MAP3K1: variants seen among roughly 807,000 people sequenced by gnomAD.
MAP3K1 encodes MAP/ERK kinase kinase 1.
Under a neutral mutation model 144.2 loss-of-function variants are expected in MAP3K1, and 36 were observed. That is an observed-to-expected ratio of 0.25 (90% CI 0.19 to 0.33). The LOEUF (loss-of-function observed/expected upper bound fraction) is 0.33. Ranked by LOEUF, MAP3K1 falls within the 10% of genes least tolerant of loss-of-function variation. The pLI is 1.00. For synonymous variants in MAP3K1, 718 were observed against 688.7 expected (o/e 1.04, Z -0.67); for missense variants, 1,650 against 1,881.9 (o/e 0.88, Z 2.28).
rs1748178411 is a variant in MAP3K1 at position 56,880,692 on chromosome 5, G to T, written c.2088-19G>T. ...TTAGCCAAGATCCAGGATTGATGTT[G>T]CTTTTCCTTTGTTTTTAGCCGCACA... On this transcript the variant is annotated intron_variant, in intron 11 of 19. Transcript: ENST00000399503. The T allele has an allele frequency of 6.3e-7, 1 of 1,576,912 alleles. No homozygotes were observed.
intron 1 of MAP3K1, among the ~76,000 whole-genome samples, chr5:56,833,028 C>G (rs1408643115): frequency 6.6e-6 from 1 of 152,046 alleles, no homozygotes; most frequent in Non-Finnish European, 1.5e-5. Flanking sequence ...TGCATCACCG[C>G]ACCCAGATAA....
chr5:56,833,802 A>C (rs746354306), intron 1 of MAP3K1, among the ~76,000 whole-genome samples: 6 of 152,150 alleles, frequency 3.9e-5, no homozygotes, highest in Non-Finnish European at 1.5e-5. Flanking sequence ...GATGATATCT[A>C]AGGCCAGCAT....
intron 7 of MAP3K1, 28 bp from the exon 8 acceptor site, chr5:56,872,613 G>A (rs1397851442): frequency 2.4e-6 from 3 of 1,275,440 alleles, no homozygotes; most frequent in Admixed American, 1.7e-5. Context: ...TTACATTTTT[G>A]TAAGATTTTG....
At chr5:56,833,461 G>C (rs564495194) in intron 1 of MAP3K1, among the ~76,000 whole-genome samples, 4 of 152,154 alleles carry the variant, frequency 2.6e-5, no homozygotes, top group Non-Finnish European at 5.9e-5. Context: ...TTGCACAGTA[G>C]TAAGGGGAGA....
intron 1 of MAP3K1, among the ~76,000 whole-genome samples, chr5:56,824,360 C>G (rs1314647100): frequency 6.6e-6 from 1 of 152,216 alleles, no homozygotes; most frequent in South Asian, 2.1e-4. Flanking sequence ...AGGATTGATA[C>G]TTATTTCAGA....
chr5:56,868,128 T>C (rs1019065859), intron 6 of MAP3K1, among the ~76,000 whole-genome samples: 1 of 152,176 alleles, frequency 6.6e-6, no homozygotes, highest in Admixed American at 6.5e-5. Flanking sequence ...TATTTTGTGG[T>C]CCATTTGGTC....
At chr5:56,880,624 T>C in intron 11 of MAP3K1, 87 bp from the exon 12 acceptor site, 1 of 867,182 alleles carries the variant, frequency 1.2e-6, no homozygotes, top group Non-Finnish European at 2.0e-6. Flanking sequence ...TTCTCCACTT[T>C]TTCACAAGGC....
chr5:56,820,198 G>C (rs1359748689), intron 1 of MAP3K1, among the ~76,000 whole-genome samples: 5 of 151,732 alleles, frequency 3.3e-5, no homozygotes, highest in Non-Finnish European at 7.4e-5. Flanking sequence ...CATCACTGCA[G>C]CCCCCTAAGA....
chr5:56,871,834 C>T (rs1747861651), intron 6 of MAP3K1, 76 bp from the exon 7 acceptor site: 3 of 1,370,534 alleles, frequency 2.2e-6, no homozygotes, highest in Non-Finnish European at 1.0e-6. Flanking sequence ...TCTAAGCAAG[C>T]AGAAAGTGTT....
In MAP3K1 at chr5:56,830,228, A is replaced by G. The variant is rs923355672; in HGVS notation, c.482+14173A>G. 4.6e-5 allele frequency among the ~76,000 whole-genome samples: 7 copies of G among 152,216 alleles called. No individual in the cohort carries two copies. In the East Asian group the frequency reaches 9.6e-4, roughly 21 times the overall value. ...CCGATAGATGTCACAGATTTTGCAG[A>G]TTATAATTGTGAATTTAAAATTTAA... On this transcript the variant is annotated intron_variant, in intron 1 of 19. Transcript: ENST00000399503.
intron 1 of MAP3K1, among the ~76,000 whole-genome samples, chr5:56,852,607 T>C (rs1335268317): frequency 1.3e-5 from 2 of 152,236 alleles, no homozygotes; most frequent in Non-Finnish European, 2.9e-5. Context: ...CAATTTTATT[T>C]ATTTTTAAGT....
At chr5:56,861,007 G>C (rs1426851378) in intron 3 of MAP3K1, among the ~76,000 whole-genome samples, 1 of 152,104 alleles carries the variant, frequency 6.6e-6, no homozygotes. Context: ...GATAAGATTG[G>C]TGATAACAAA....
intron 1 of MAP3K1, among the ~76,000 whole-genome samples, chr5:56,839,068 C>G (rs1275820176): frequency 6.6e-6 from 1 of 152,120 alleles, no homozygotes; most frequent in East Asian, 1.9e-4. Flanking sequence ...ACAACTTGGC[C>G]ATAGGTCAGT....
intron 19 of MAP3K1, among the ~76,000 whole-genome samples, chr5:56,890,819 A>G (rs114286391): frequency 0.02 from 2,970 of 151,946 alleles, 120 homozygotes; most frequent in African/African-American, 0.066. Flanking sequence ...GGCTGAGGCA[A>G]GAACAAAACT....
At position 56,895,055 on chromosome 5, in the gene MAP3K1, C is replaced by G. The variant is rs1579794347; in HGVS notation, c.*1375C>G. ...CAACTTTGAGATTTTAGTTTTAACTCTTCAGAAGCCAGTGTGAAATAGAAT... is the reference window on the plus strand; with the variant it reads ...CAACTTTGAGATTTTAGTTTTAACTGTTCAGAAGCCAGTGTGAAATAGAAT... On this transcript the variant is annotated 3_prime_UTR_variant, in exon 20 of 20. Transcript: ENST00000399503. 1.7e-5 allele frequency: 4 copies of G among 231,390 alleles called. No homozygotes were observed. The East Asian group carries it at 2.5e-4, about 14-fold the overall frequency. 14.3% of individuals were successfully genotyped at this position (231,390 alleles called of 1,614,324 possible). A position where few individuals can be genotyped will look rare whatever the true frequency, so the allele number is the denominator to read the frequency against.
At chr5:56,876,138 G>A (rs1313323036) in intron 10 of MAP3K1, among the ~76,000 whole-genome samples, 1 of 137,634 alleles carries the variant, frequency 7.3e-6, no homozygotes, top group African/African-American at 2.7e-5. Context: ...CTCAGCCTCA[G>A]TACTATTAAC....
At chr5:56,866,723 A>G (rs893269865) in intron 6 of MAP3K1, among the ~76,000 whole-genome samples, 8 of 152,222 alleles carry the variant, frequency 5.3e-5, no homozygotes, top group Non-Finnish European at 8.8e-5. Flanking sequence ...AACTACCTCA[A>G]AATTCATGAA....
chr5:56,870,758 AATTT>A (rs1317350482), intron 6 of MAP3K1, among the ~76,000 whole-genome samples: 3 of 152,148 alleles, frequency 2.0e-5, no homozygotes, highest in Non-Finnish European at 4.4e-5. Flanking sequence ...GGTACACCAT[AATTT>A]ATTTAGCCAT....
At chr5:56,880,328 G>A (rs1182619497) in intron 11 of MAP3K1, among the ~76,000 whole-genome samples, 3 of 152,124 alleles carry the variant, frequency 2.0e-5, no homozygotes, top group Non-Finnish European at 4.4e-5. Flanking sequence ...GAAATGGAGG[G>A]TTTTTGGATA....
Sources: allele counts gnomAD v4.1 joint callset (sites outside exome capture counted in the v4.1 genomes callset), GRCh38; gene constraint gnomAD v4.1.1; transcripts MANE v1.5; gene names NCBI Gene and HGNC (gene_info 2026-07-23, HGNC 2026-07-21).